ERCC6L2: variants seen among roughly 807,000 people sequenced by gnomAD.
The protein encoded by ERCC6L2 is DNA excision repair protein ERCC-6-like 2.
A neutral mutation model predicts 132.0 loss-of-function variants in ERCC6L2; 77 were observed. The ratio of observed to expected loss-of-function variants is 0.58; its 90% CI spans 0.49 to 0.71. The LOEUF is 0.71. Among genes scored for constraint, ERCC6L2 ranks in the 30% least tolerant of loss-of-function variants. The pLI is 0.00. For missense variants in ERCC6L2, 1,542 were observed against 1,837.6 expected, an observed-to-expected ratio of 0.84 and a Z score of 2.94; for synonymous variants, 583 against 632.4, an observed-to-expected ratio of 0.92 and a Z score of 1.17.
At chr9:96,002,245 C>T (rs562665458) in intron 17 of ERCC6L2, among the ~76,000 whole-genome samples, 55 of 152,322 alleles carry the variant, frequency 3.6e-4, no homozygotes, top group African/African-American at 1.1e-3. Context: ...CGAGAGCAAG[C>T]GGGGGCTCTG....
At chr9:95,971,316 T>G (rs796331016) in intron 15 of ERCC6L2, among the ~76,000 whole-genome samples, 2 of 152,276 alleles carry the variant, frequency 1.3e-5, no homozygotes, top group African/African-American at 4.8e-5. Context: ...GATAATACTT[T>G]CCGCAATATT....
At chr9:95,945,203 T>A (rs559652859) in intron 12 of ERCC6L2, among the ~76,000 whole-genome samples, 1 of 152,334 alleles carries the variant, frequency 6.6e-6, no homozygotes, top group African/African-American at 2.4e-5. Flanking sequence ...ATGCATTCTC[T>A]TTCTCAGGGA....
At chr9:95,982,900 C>T (rs1351646809) in intron 17 of ERCC6L2, among the ~76,000 whole-genome samples, 1 of 152,188 alleles carries the variant, frequency 6.6e-6, no homozygotes, top group African/African-American at 2.4e-5. Context: ...GAGACCTATT[C>T]CCCTGCTAGC....
chr9:95,907,335 A>G, intron 4 of ERCC6L2, 64 bp downstream of exon 4: 3 of 883,326 alleles, frequency 3.4e-6, no homozygotes, highest in Non-Finnish European at 4.7e-6. Flanking sequence ...CTTTATATTA[A>G]GAGTTTTTTT....
chr9:95,984,257 C>T (rs975216794), intron 17 of ERCC6L2, among the ~76,000 whole-genome samples: 3 of 148,938 alleles, frequency 2.0e-5, no homozygotes, highest in Non-Finnish European at 4.4e-5. Flanking sequence ...TATGTAACTA[C>T]ATACATGTAT....
chr9:95,906,519 T>C (rs1829044060), intron 3 of ERCC6L2: 1 of 384,240 alleles, frequency 2.6e-6, no homozygotes, highest in South Asian at 2.0e-5. Flanking sequence ...TGAATATAGA[T>C]AGGTTATTGA....
rs755177928 is a variant in ERCC6L2 at position 95,972,907 on chromosome 9, C to T, written c.3156C>T (p.His1052=). The change falls in exon 16 of 19, where the codon CAC becomes CAT. Residue 1052 remains histidine, a synonymous_variant. Transcript: ENST00000653738. ...SSSDESLSVS[H]FSFSKQSHRP... ...CAGATGAGAGTTTATCCGTCAGCCA[C>T]TTCAGTTTCTCTAAACAGAGCCACA... 1.5e-6 allele frequency: 2 copies of T among 1,305,678 alleles called. No individual in the cohort carries two copies. The allele number at this position is 1,305,678 out of a possible 1,614,324, so 80.9% of individuals were successfully genotyped here.
Position 95,966,669 on chromosome 9 carries a change from C to G in ERCC6L2, c.2055C>G (p.Phe685Leu), listed in dbSNP as rs371776270. 11 of 1,519,846 alleles carry G rather than the reference C, an allele frequency of 7.2e-6. No individual in the cohort carries two copies. The highest frequency in any genetic ancestry group is 9.9e-6 in the Non-Finnish European group (11 of 1,115,630). 94.1% of individuals were successfully genotyped at this position (1,519,846 alleles called of 1,614,324 possible). Residue 685 changes from phenylalanine (F) to leucine (L), a missense_variant, in exon 14 of 19, where the codon TTC becomes TTG. Physicochemically the swap from Phe to Leu is conservative, Grantham distance 22 (BLOSUM62 0). This residue lies in a region of ERCC6L2 where 945 missense variants were observed against 1,105.2 expected (regional missense o/e 0.86). Coordinates refer to ENST00000653738, the MANE Select transcript of ERCC6L2 (RefSeq NM_020207.7). ...QGELFGIHNL[F>L]KFRSQGSCLT... ...AGCTTTTTGGGATCCATAACCTCTT[C>G]AAATTTAGGTCCCAAGGGTCTTGTC... is the stretch of plus-strand genomic sequence containing the variant.
intron 5 of ERCC6L2, 58 bp downstream of exon 5, chr9:95,915,887 T>G: frequency 6.9e-7 from 1 of 1,453,578 alleles, no homozygotes; most frequent in Non-Finnish European, 9.3e-7. Flanking sequence ...AATACGGTCT[T>G]GTTTGCTAAT....
At chr9:95,970,707 T>C in intron 15 of ERCC6L2, 51 bp downstream of exon 15, 1 of 1,171,482 alleles carries the variant, frequency 8.5e-7, no homozygotes, top group Non-Finnish European at 1.1e-6. Flanking sequence ...ACATGTACTG[T>C]GACAATTTTG....
rs114919821 is a variant in ERCC6L2, at chr9:95,936,230, C to A, written c.1752-5224C>A. Among the ~76,000 whole-genome samples the A allele has an allele frequency of 5.2e-3, 787 of 152,216 alleles. 12 individuals are homozygous for A. Among genetic ancestry groups the A allele is most frequent in the African/African-American group, 0.017 (704 of 41,536 alleles). On this transcript the variant is annotated intron_variant, in intron 11 of 18. Transcript: ENST00000653738. ...TAGTGATACTTAGCATGGCTTTTGA[C>A]TTTGATGAGTGAGTATATGGGTGGT...
Position 95,955,894 on chromosome 9 carries a change from T to A in ERCC6L2, c.1848-20T>A, listed in dbSNP as rs747617275. The A allele has an allele frequency of 1.3e-6, 2 of 1,484,708 alleles. No homozygotes were observed. The highest frequency in any genetic ancestry group is 4.4e-5 in the Admixed American group (2 of 45,646). 92.0% of individuals were successfully genotyped at this position (1,484,708 alleles called of 1,614,324 possible). A position where few individuals can be genotyped will look rare whatever the true frequency, so the allele number is the denominator to read the frequency against. ...AGTTGCTTCACTTGATTTTTGTTTG[T>A]ATTTTTAATCCTTTTACAGAGCATA... is the stretch of plus-strand genomic sequence containing the variant. On this transcript the variant is annotated intron_variant, in intron 12 of 18. Transcript: ENST00000653738.
chr9:96,017,555 T>G lies in ERCC6L2; in HGVS notation c.*4352T>G, dbSNP rs2133241211. ...GGTCTAGGGCTCAGCACAGGCACCC[T>G]TTTTGTTTTTGCAGTTTCACAGGAA... On this transcript the variant is annotated 3_prime_UTR_variant, in exon 19 of 19. Coordinates refer to ENST00000653738, the MANE Select transcript of ERCC6L2 (RefSeq NM_020207.7). Among the ~76,000 whole-genome samples, 1 of 152,312 alleles carries G rather than the reference T, an allele frequency of 6.6e-6. No individual in the cohort carries two copies. Among genetic ancestry groups the G allele is most frequent in the East Asian group, 1.9e-4 (1 of 5,178 alleles).
chr9:96,035,045 C>T (rs911784855), intron 19 of ERCC6L2, among the ~76,000 whole-genome samples: 1 of 152,184 alleles, frequency 6.6e-6, no homozygotes, highest in Non-Finnish European at 1.5e-5. Context: ...CTGGGAAGGA[C>T]TCCCCATCTC....
At chr9:96,005,258 A>T (rs1222213179) in intron 18 of ERCC6L2, among the ~76,000 whole-genome samples, 1 of 151,884 alleles carries the variant, frequency 6.6e-6, no homozygotes, top group Non-Finnish European at 1.5e-5. Flanking sequence ...GCTTGCAGTG[A>T]GCCGAGATTG....
chr9:95,960,123 C>G (rs1320555027), intron 13 of ERCC6L2, among the ~76,000 whole-genome samples: 1 of 152,036 alleles, frequency 6.6e-6, no homozygotes, highest in Non-Finnish European at 1.5e-5. Flanking sequence ...AACAAAGAAG[C>G]AAGACAGAGC....
chr9:95,941,603 A>ATC (rs1320744946), intron 12 of ERCC6L2, 54 bp downstream of exon 12: 1 of 1,311,570 alleles, frequency 7.6e-7, no homozygotes, highest in African/African-American at 1.5e-5. Context: ...ATCTAAAAAT[A>ATC]CTCTTGAACT....
At position 95,876,043 on chromosome 9, in the gene ERCC6L2, A is replaced by G. The variant is rs1827240979; in HGVS notation, c.5A>G (p.Asp2Gly). 1.9e-6 allele frequency: 3 copies of G among 1,589,074 alleles called. No individual in the cohort carries two copies. Among genetic ancestry groups the G allele is most frequent in the East Asian group, 2.3e-5 (1 of 43,188 alleles). ...TCGGCCCCTCCCCCTGGCCGGATGG[A>G]TCCGTCGGCGCCACAGCCCCGCGCG... The part of the protein sequence containing the change: M[D>G]PSAPQPRAET... The change falls in exon 1 of 19, where the codon GAT becomes GGT. Residue 2 changes from aspartate (D) to glycine (G), a missense_variant. Asp to Gly is a moderately conservative substitution (Grantham distance 94, BLOSUM62 -1). Around this residue, in one of 4 missense-constraint regions of ERCC6L2, gnomAD observed 153 missense variants for 132.3 expected, o/e 1.16. Coordinates refer to ENST00000653738, the MANE Select transcript of ERCC6L2 (RefSeq NM_020207.7).
chr9:95,891,208 A>G (rs1272944671), intron 2 of ERCC6L2, among the ~76,000 whole-genome samples: 1 of 152,026 alleles, frequency 6.6e-6, no homozygotes, highest in Non-Finnish European at 1.5e-5. Context: ...TGTGTCCCTA[A>G]CTCTGTCTCA....
Sources: allele counts gnomAD v4.1 joint callset (sites outside exome capture counted in the v4.1 genomes callset), GRCh38; gene constraint gnomAD v4.1.1; regional missense constraint gnomAD v4.1.1; transcripts MANE v1.5; gene names NCBI Gene and HGNC (gene_info 2026-07-23, HGNC 2026-07-21).